The following FHIP2B variants were observed in gnomAD, a reference collection of about 807,000 sequenced individuals.
FHIP2B encodes the protein FHF complex subunit HOOK interacting protein 2B.
Under a neutral mutation model 84.0 loss-of-function variants are expected in FHIP2B, and 72 were observed. That is an observed-to-expected ratio of 0.86 (90% CI 0.71 to 1.04). The LOEUF (loss-of-function observed/expected upper bound fraction) is 1.04, where lower values mean the gene tolerates loss of function less well. Ranked by LOEUF, FHIP2B falls within the 50% of genes least tolerant of loss-of-function variation. The pLI is 0.00. For synonymous variants in FHIP2B, 497 were observed against 418.7 expected (o/e 1.19, Z -2.28); for missense variants, 972 against 968.9 (o/e 1.00, Z -0.04).
intron 8 of FHIP2B, 75 bp from the exon 9 acceptor site, chr8:22,099,209 C>T: frequency 6.4e-7 from 1 of 1,560,942 alleles, no homozygotes; most frequent in Non-Finnish European, 8.7e-7. Flanking sequence ...GCATCAGGCG[C>T]CGCGCAAGAA....
At chr8:22,098,020 T>TG (rs1563595414) in intron 5 of FHIP2B, 48 bp from the exon 6 acceptor site, 16 of 1,542,670 alleles carry the variant, frequency 1.0e-5, no homozygotes, top group African/African-American at 1.4e-5. Flanking sequence ...TGGGGGACCC[T>TG]GGGAAGTGGT....
chr8:22,089,561 G>A (rs548126180), intron 1 of FHIP2B, among the ~76,000 whole-genome samples: 1 of 152,102 alleles, frequency 6.6e-6, no homozygotes, highest in South Asian at 2.1e-4. Context: ...TGTGCGTCCT[G>A]GCCCCGGAGT....
At chr8:22,098,906 T>C (rs770917889) in intron 7 of FHIP2B, 42 bp from the exon 8 acceptor site, 1 of 1,503,406 alleles carries the variant, frequency 6.7e-7, no homozygotes, top group South Asian at 1.2e-5. Context: ...ACCTTGAAGC[T>C]CCTTCTCCAC....
Position 22,099,884 on chromosome 8 carries a change from C to T in FHIP2B, c.1332C>T (p.Leu444=), listed in dbSNP as rs746572647. 4 of 1,609,840 alleles carry T rather than the reference C, an allele frequency of 2.5e-6. No individual in the cohort carries two copies. The South Asian group carries it at 4.4e-5, about 18-fold the overall frequency. The change falls in exon 10 of 17, where the codon CTC becomes CTT. Residue 444 remains leucine, a synonymous_variant. Transcript: ENST00000289921. ...ATCTCATCGGGCATTGTGACCACCT[C>T]TCTGATGAGGTACAGTGGGGGACCT... ...YAHLIGHCDH[L]SDEISITTLR... is the part of the protein sequence containing the mutation.
Position 22,098,809 on chromosome 8 carries a change from C to T in FHIP2B, c.966-139C>T, listed in dbSNP as rs560331675. On this transcript the variant is annotated intron_variant, in intron 7 of 16. Coordinates refer to ENST00000289921, the MANE Select transcript of FHIP2B (RefSeq NM_022749.7). ...GAAGTACTGGTTTTGCTGCCTCTGT[C>T]CATAAAACCCCCAAGATAACTGATC... 7.4e-6 allele frequency: 7 copies of T among 940,180 alleles called. No homozygotes were observed. The East Asian group carries it at 1.6e-4, about 21-fold the overall frequency. The allele number at this position is 940,180 out of a possible 1,614,324, so 58.2% of individuals were successfully genotyped here.
rs767447924 is a variant in FHIP2B, at chr8:22,099,724, C to T, written c.1172C>T (p.Thr391Ile). Reference protein sequence around the residue: ...LLHVSEQSILTSTALLTAMLR... With the variant: ...LLHVSEQSILISTALLTAMLR... ...CGTAGGTCCGAGCAGAGCATCTTGA[C>T]CTCCACCGCCCTCCTCACAGCCATG... is the stretch of plus-strand genomic sequence containing the variant. The change falls in exon 10 of 17, where the codon ACC becomes ATC. Residue 391 changes from threonine (T) to isoleucine (I), a missense_variant. By Grantham distance (89) the Thr-to-Ile change is moderately conservative (BLOSUM62 -1). Coordinates refer to ENST00000289921, the MANE Select transcript of FHIP2B (RefSeq NM_022749.7). 2 of 1,591,526 alleles carry T rather than the reference C, an allele frequency of 1.3e-6. No homozygotes were observed. The highest frequency in any genetic ancestry group is 2.2e-5 in the East Asian group (1 of 44,614).
chr8:22,102,990 G>A lies in FHIP2B; in HGVS notation c.*59G>A. On this transcript the variant is annotated 3_prime_UTR_variant, in exon 17 of 17. Coordinates refer to ENST00000289921, the MANE Select transcript of FHIP2B (RefSeq NM_022749.7). Reference sequence around the variant, plus strand: ...CACCTCTGCCCCAGAGCTGCCTCCTGCCTGGCACTGCCGCCACACTCCCCT... The same window carrying A: ...CACCTCTGCCCCAGAGCTGCCTCCTACCTGGCACTGCCGCCACACTCCCCT... 3.9e-6 allele frequency: 6 copies of A among 1,553,964 alleles called. No individual in the cohort carries two copies. The highest frequency in any genetic ancestry group is 5.2e-6 in the Non-Finnish European group (6 of 1,149,736).
rs146053995 is a variant in FHIP2B, at chr8:22,104,005, C to T, written c.*1074C>T. On this transcript the variant is annotated 3_prime_UTR_variant, in exon 17 of 17. Coordinates refer to ENST00000289921, the MANE Select transcript of FHIP2B (RefSeq NM_022749.7). ...GGACTACACAGTTGCTGGCTTTGCT[C>T]CTGGGCAAGGAGGAGCAGGCCAGAG... 1 of 152,760 alleles carries T rather than the reference C, an allele frequency of 6.5e-6. No individual in the cohort carries two copies. The highest frequency in any genetic ancestry group is 2.4e-5 in the African/African-American group (1 of 41,602). 9.5% of individuals were successfully genotyped at this position (152,760 alleles called of 1,614,324 possible). A position where few individuals can be genotyped will look rare whatever the true frequency, so the allele number is the denominator to read the frequency against.
intron 9 of FHIP2B, 116 bp downstream of exon 9, chr8:22,099,476 C>T (rs1825981541): frequency 1.6e-6 from 2 of 1,219,712 alleles, no homozygotes; most frequent in Non-Finnish European, 2.3e-6. Flanking sequence ...CATTTGTGGA[C>T]CCCATTGGGT....
rs751825062 is a variant in FHIP2B, at chr8:22,094,421, G to C, written c.46-19G>C. ...GGCCTTTGTGGCCCCCACTGAGGTT[G>C]TGTGTCTGCCCTCCGCAGCGCGAGC... is the stretch of plus-strand genomic sequence containing the variant. On this transcript the variant is annotated intron_variant, in intron 1 of 16. Transcript: ENST00000289921. The C allele has an allele frequency of 6.5e-5, 103 of 1,585,792 alleles. 2 individuals are homozygous for C. In the South Asian group the frequency reaches 1.1e-3, roughly 17 times the overall value.
rs1437828690 is a variant in FHIP2B at position 22,104,391 on chromosome 8, C to CT, written c.*1461dup. ...GTGTGATTGCGTGGACACCGTGGCT[C>CT]TGTTCTTGGCCAAGTTTCCCCACCT... On this transcript the variant is annotated 3_prime_UTR_variant, in exon 17 of 17. Transcript: ENST00000289921. 1 of 152,468 alleles carries CT rather than the reference C, an allele frequency of 6.6e-6. No homozygotes were observed. The highest frequency in any genetic ancestry group is 2.4e-5 in the African/African-American group (1 of 41,446). 9.4% of individuals were successfully genotyped at this position (152,468 alleles called of 1,614,324 possible). A position where few individuals can be genotyped will look rare whatever the true frequency, so the allele number is the denominator to read the frequency against.
chr8:22,102,757 C>T, intron 16 of FHIP2B, 36 bp from the exon 17 acceptor site: 1 of 1,610,222 alleles, frequency 6.2e-7, no homozygotes, highest in Non-Finnish European at 8.5e-7. Flanking sequence ...AGTCCTGCCC[C>T]CACCCAGCCA....
At chr8:22,090,350 AG>A (rs1161127618) in intron 1 of FHIP2B, among the ~76,000 whole-genome samples, 1 of 152,186 alleles carries the variant, frequency 6.6e-6, no homozygotes, top group African/African-American at 2.4e-5. Context: ...TCCTGTTGAA[AG>A]AAGTTTGCCT....
In FHIP2B at chr8:22,101,431, A is replaced by ATCTC. The variant is rs1369335698; in HGVS notation, c.1617-6_1617-3dup. On this transcript the variant is annotated splice_polypyrimidine_tract_variant and intron_variant, in intron 12 of 16. Transcript: ENST00000289921. ...CGGGAGCGCCTCCACACCGGCTTCTATCTCTCAGTTTCCTGTGCCTGGTCC... is the reference window on the plus strand; with the variant it reads ...CGGGAGCGCCTCCACACCGGCTTCTATCTCTCTCTCAGTTTCCTGTGCCTGGTCC... 2 of 1,603,158 alleles carry ATCTC rather than the reference A, an allele frequency of 1.2e-6. No homozygotes were observed. The highest frequency in any genetic ancestry group is 1.7e-6 in the Non-Finnish European group (2 of 1,174,406).
intron 1 of FHIP2B, among the ~76,000 whole-genome samples, chr8:22,091,718 T>C (rs903060359): frequency 4.6e-5 from 7 of 152,200 alleles, no homozygotes; most frequent in African/African-American, 1.4e-4. Context: ...AGTATTCTTT[T>C]TGGTTAAAGC....
rs1240600536 is a variant in FHIP2B at position 22,098,162 on chromosome 8, A to G, written c.620A>G (p.Asp207Gly). 3.8e-6 allele frequency: 6 copies of G among 1,575,982 alleles called. No homozygotes were observed. ...TSHGDKDCSH[D>G]GAPARPQLDG... ...CACGGGGACAAGGACTGCTCCCACG[A>G]TGGTGCTCCTGCCAGGCCCCAGCTG... The change falls in exon 6 of 17, where the codon GAT becomes GGT. Residue 207 changes from aspartate (D) to glycine (G), a missense_variant. Coordinates refer to ENST00000289921, the MANE Select transcript of FHIP2B (RefSeq NM_022749.7).
chr8:22,096,650 G>A lies in FHIP2B; in HGVS notation c.297+141G>A, dbSNP rs546005253. ...AGTGCTGGGCCAGGCTGAGGTGGGC[G>A]GTGGGCAGTGGGCAGCCTGGGGCTC... On this transcript the variant is annotated intron_variant, in intron 3 of 16. Transcript: ENST00000289921. 255 of 1,217,872 alleles carry A rather than the reference G, an allele frequency of 2.1e-4. No individual in the cohort carries two copies. In the African/African-American group the frequency reaches 3.3e-3, roughly 16 times the overall value. The allele number at this position is 1,217,872 out of a possible 1,614,324, so 75.4% of individuals were successfully genotyped here. A position where few individuals can be genotyped will look rare whatever the true frequency, so the allele number is the denominator to read the frequency against.
intron 1 of FHIP2B, among the ~76,000 whole-genome samples, chr8:22,093,074 A>G (rs1483975595): frequency 6.6e-6 from 1 of 152,144 alleles, no homozygotes; most frequent in African/African-American, 2.4e-5. Context: ...GTGGTGCAGT[A>G]AAGTGTGAGG....
intron 8 of FHIP2B, 70 bp from the exon 9 acceptor site, chr8:22,099,214 C>T (rs1171071546): frequency 6.3e-7 from 1 of 1,574,862 alleles, no homozygotes; most frequent in East Asian, 2.3e-5. Flanking sequence ...AGGCGCCGCG[C>T]AAGAACACGG....
Sources: allele counts gnomAD v4.1 joint callset (sites outside exome capture counted in the v4.1 genomes callset), GRCh38; gene constraint gnomAD v4.1.1; transcripts MANE v1.5; gene names NCBI Gene and HGNC (gene_info 2026-07-23, HGNC 2026-07-21).